Variants in PRTFDC1 observed in about 807,000 individuals in gnomAD.
The protein encoded by PRTFDC1 is phosphoribosyltransferase domain-containing protein 1.
Under a neutral mutation model 34.6 loss-of-function variants are expected in PRTFDC1, and 38 were observed. The ratio of observed to expected loss-of-function variants is 1.10; its 90% CI spans 0.85 to 1.44. The LOEUF (loss-of-function observed/expected upper bound fraction) is 1.44, where lower values mean the gene tolerates loss of function less well. Ranked by LOEUF, PRTFDC1 falls within the 40% of genes most tolerant of loss-of-function variation. PRTFDC1 has a pLI of 0.00. For missense variants in PRTFDC1, 270 were observed against 283.0 expected (o/e 0.95, Z 0.33); for synonymous variants, 93 against 98.1 (o/e 0.95, Z 0.31).
At chr10:24,921,351 A>T (rs1352339100) in intron 3 of PRTFDC1, among the ~76,000 whole-genome samples, 2 of 152,032 alleles carry the variant, frequency 1.3e-5, no homozygotes, top group African/African-American at 2.4e-5. Context: ...TTAGAGGAGG[A>T]TCCACACCCC....
At chr10:24,908,354 T>A in intron 3 of PRTFDC1, 2 of 1,039,140 alleles carry the variant, frequency 1.9e-6, no homozygotes, top group Non-Finnish European at 2.7e-6. Flanking sequence ...TATTTTGATA[T>A]TTTTCATAAC....
intron 3 of PRTFDC1, among the ~76,000 whole-genome samples, chr10:24,930,127 C>T (rs1341276568): frequency 1.3e-5 from 2 of 152,002 alleles, no homozygotes; most frequent in Non-Finnish European, 2.9e-5. Flanking sequence ...CTGAATTATG[C>T]CTGTTTCTCT....
At chr10:24,921,818 G>GA in intron 3 of PRTFDC1, among the ~76,000 whole-genome samples, 1 of 151,742 alleles carries the variant, frequency 6.6e-6, no homozygotes, top group East Asian at 1.9e-4. Context: ...TCTTGTCCTT[G>GA]AAAGCTACAG....
At chr10:24,916,761 G>A (rs967339184) in intron 3 of PRTFDC1, among the ~76,000 whole-genome samples, 5 of 150,170 alleles carry the variant, frequency 3.3e-5, no homozygotes, top group African/African-American at 4.9e-5. Flanking sequence ...TTCTTTTCTC[G>A]TTTTGTTTTA....
chr10:24,856,828 C>T, intron 6 of PRTFDC1, 85 bp downstream of exon 6: 1 of 1,255,082 alleles, frequency 8.0e-7, no homozygotes, highest in South Asian at 1.2e-5. Flanking sequence ...ATATTACACT[C>T]TTTGGAAAGA....
In PRTFDC1 at chr10:24,868,533, C is replaced by G. The variant is rs373981943; in HGVS notation, c.405+3465G>C. ...AAGGAGAAGTCACTGCAGTCTCAAC[C>G]TCCTGAGCCCAAGTGATCACCCACC... On this transcript the variant is annotated intron_variant, in intron 4 of 8. Coordinates refer to ENST00000320152, the MANE Select transcript of PRTFDC1 (RefSeq NM_020200.7). Among the ~76,000 whole-genome samples the G allele has an allele frequency of 2.6e-4, 39 of 152,288 alleles. 1 individual carries two copies. In the East Asian group the frequency reaches 7.3e-3, roughly 29 times the overall value.
At chr10:24,857,566 A>G (rs1280724440) in intron 5 of PRTFDC1, among the ~76,000 whole-genome samples, 8 of 152,194 alleles carry the variant, frequency 5.3e-5, no homozygotes, top group Admixed American at 5.2e-4. Context: ...GAGAATGGGC[A>G]GCGGCGATTT....
chr10:24,901,364 G>T (rs565798283), intron 3 of PRTFDC1, among the ~76,000 whole-genome samples: 3 of 152,266 alleles, frequency 2.0e-5, no homozygotes, highest in East Asian at 1.9e-4. Flanking sequence ...AATAAAAATA[G>T]AAATTATAGA....
intron 3 of PRTFDC1, among the ~76,000 whole-genome samples, chr10:24,873,446 T>C (rs1030158842): frequency 2.0e-5 from 3 of 152,162 alleles, no homozygotes; most frequent in African/African-American, 7.2e-5. Context: ...AACAATAACC[T>C]TGGGGAGAAA....
intron 3 of PRTFDC1, among the ~76,000 whole-genome samples, chr10:24,889,274 C>T (rs373378853): frequency 6.6e-6 from 1 of 152,050 alleles, no homozygotes; most frequent in Non-Finnish European, 1.5e-5. Flanking sequence ...CGCCCGATCT[C>T]GTCTGCAAGT....
chr10:24,904,102 C>A (rs1329608484), intron 3 of PRTFDC1, among the ~76,000 whole-genome samples: 2 of 152,080 alleles, frequency 1.3e-5, no homozygotes, highest in African/African-American at 4.8e-5. Flanking sequence ...AAATTTTAGT[C>A]TTTCTTTGGG....
At chr10:24,943,405 C>T (rs1015874690) in intron 1 of PRTFDC1, among the ~76,000 whole-genome samples, 14 of 152,040 alleles carry the variant, frequency 9.2e-5, no homozygotes, top group Middle Eastern at 3.4e-3. Flanking sequence ...GCTAGTTTTA[C>T]GGTTAGAATA....
chr10:24,909,231 T>G (rs1408809985), intron 3 of PRTFDC1, among the ~76,000 whole-genome samples: 1 of 151,916 alleles, frequency 6.6e-6, no homozygotes, highest in African/African-American at 2.4e-5. Flanking sequence ...CAGTGAGTCA[T>G]GATTGTGTCA....
intron 3 of PRTFDC1, among the ~76,000 whole-genome samples, chr10:24,926,636 A>G (rs1178818942): frequency 6.6e-6 from 1 of 152,232 alleles, no homozygotes; most frequent in African/African-American, 2.4e-5. Flanking sequence ...GGCATGAGCC[A>G]CTGCGTCCGG....
chr10:24,895,253 C>CTTTTTTTTTTT lies in PRTFDC1; in HGVS notation c.340-23201_340-23191dup, dbSNP rs60331186. On this transcript the variant is annotated intron_variant, in intron 3 of 8. Transcript: ENST00000320152. The stretch of plus-strand genomic sequence containing the variant: ...TCCTTCTTCTGGAAATCTCCACTTT[C>CTTTTTTTTTTT]TTTTTTTTTTTTTTTTTGAGATGGA... 3.3e-3 allele frequency among the ~76,000 whole-genome samples: 346 copies of CTTTTTTTTTTT among 105,108 alleles called. 20 individuals are homozygous for CTTTTTTTTTTT. The highest frequency in any genetic ancestry group is 5.7e-3 in the Middle Eastern group (1 of 174). The allele number at this position is 105,108 out of a possible 152,430, so 69.0% of individuals were successfully genotyped here.
intron 3 of PRTFDC1, among the ~76,000 whole-genome samples, chr10:24,934,214 AAAGAAGAAGAAG>A (rs57514580): frequency 5.5e-5 from 8 of 146,760 alleles, no homozygotes; most frequent in Non-Finnish European, 7.4e-5. Flanking sequence ...TACTGGACAC[AAAGAAGAAGAAG>A]AAGAAGAAGA....
intron 3 of PRTFDC1, among the ~76,000 whole-genome samples, chr10:24,880,986 C>G (rs1008973343): frequency 2.0e-5 from 3 of 146,728 alleles, no homozygotes; most frequent in Non-Finnish European, 4.5e-5. Context: ...TCCTCCCTTC[C>G]TCCCTCCCTC....
At chr10:24,937,901 T>C (rs551177607) in intron 2 of PRTFDC1, among the ~76,000 whole-genome samples, 3 of 152,178 alleles carry the variant, frequency 2.0e-5, no homozygotes, top group Non-Finnish European at 4.4e-5. Context: ...ATAAAAAATG[T>C]ACATCAGAAT....
chr10:24,885,015 C>T (rs939775160), intron 3 of PRTFDC1, among the ~76,000 whole-genome samples: 2 of 152,206 alleles, frequency 1.3e-5, no homozygotes, highest in African/African-American at 4.8e-5. Flanking sequence ...CAACTCATGC[C>T]CAGCCTTGCC....
Sources: allele counts gnomAD v4.1 joint callset (sites outside exome capture counted in the v4.1 genomes callset), GRCh38; gene constraint gnomAD v4.1.1; transcripts MANE v1.5; gene names NCBI Gene and HGNC (gene_info 2026-07-23, HGNC 2026-07-21).